FAM178B: variants seen among roughly 807,000 people sequenced by gnomAD.
The protein encoded by FAM178B is family with sequence similarity 178 member B.
FAM178B carries 82 observed loss-of-function variants against 91.7 expected under a neutral mutation model. The ratio of observed to expected loss-of-function variants is 0.89; its 90% CI spans 0.75 to 1.07. The LOEUF is 1.07. Among genes scored for constraint, FAM178B ranks in the 50% least tolerant of loss-of-function variants. FAM178B has a pLI of 0.00. For missense variants in FAM178B, 769 were observed against 846.7 expected (o/e 0.91, Z 1.14); for synonymous variants, 368 against 359.4 (o/e 1.02, Z -0.27).
chr2:96,986,451 C>A lies in FAM178B; in HGVS notation c.-138G>T. On this transcript the variant is annotated 5_prime_UTR_variant, in exon 1 of 17. Coordinates refer to ENST00000490605, the MANE Select transcript of FAM178B (RefSeq NM_001122646.3). ...CGCAGTGGGAGGACCCCAAGAGTTG[C>A]GTCCCTAGATCCAGGGCCGCCAACG... is the stretch of plus-strand genomic sequence containing the variant. The A allele has an allele frequency of 9.6e-7, 1 of 1,036,512 alleles. No homozygotes were observed. The highest frequency in any genetic ancestry group is 1.4e-6 in the Non-Finnish European group (1 of 738,408). The allele number at this position is 1,036,512 out of a possible 1,614,324, so 64.2% of individuals were successfully genotyped here.
intron 13 of FAM178B, chr2:96,895,036 G>A: frequency 7.8e-7 from 1 of 1,288,512 alleles, no homozygotes; most frequent in South Asian, 1.2e-5. Context: ...AGAGACCATG[G>A]ACTAAGTCCC....
chr2:96,970,431 T>A (rs2082201721), intron 4 of FAM178B, among the ~76,000 whole-genome samples: 1 of 152,108 alleles, frequency 6.6e-6, no homozygotes, highest in Non-Finnish European at 1.5e-5. Flanking sequence ...AACCCTTGAG[T>A]GGGAGGAGAC....
chr2:96,912,002 G>A (rs1483122104), intron 12 of FAM178B, among the ~76,000 whole-genome samples: 1 of 152,196 alleles, frequency 6.6e-6, no homozygotes, highest in Non-Finnish European at 1.5e-5. Flanking sequence ...GGCCTCGGGT[G>A]CAGATGAGAT....
At position 96,943,766 on chromosome 2, in the gene FAM178B, A is replaced by G. The variant is rs529758639; in HGVS notation, c.1078+4052T>C. ...TCTGCTCCCTTCAAGGAAAGCCCCT[A>G]CTCTTCCACCTCGTCTTTGTTCCCA... On this transcript the variant is annotated intron_variant, in intron 8 of 16. Transcript: ENST00000490605. Among the ~76,000 whole-genome samples the G allele has an allele frequency of 3.6e-3, 540 of 151,136 alleles. 6 individuals carry two copies. The highest frequency in any genetic ancestry group is 0.013 in the African/African-American group (530 of 41,040).
chr2:96,944,639 G>C (rs1441145035), intron 8 of FAM178B, among the ~76,000 whole-genome samples: 4 of 152,216 alleles, frequency 2.6e-5, no homozygotes, highest in Admixed American at 1.3e-4. Flanking sequence ...ACGTGTCACA[G>C]AATCACCTGC....
chr2:96,881,270 C>CAAAA (rs1168855038), intron 14 of FAM178B, among the ~76,000 whole-genome samples: 1 of 64,374 alleles, frequency 1.6e-5, no homozygotes, highest in African/African-American at 4.8e-5. Context: ...AAGCTGGTCT[C>CAAAA]AAAAAAAAAA....
chr2:96,896,758 GTGCCC>G (rs1471375611), intron 13 of FAM178B, among the ~76,000 whole-genome samples: 6 of 152,266 alleles, frequency 3.9e-5, no homozygotes, highest in Middle Eastern at 3.4e-3. Flanking sequence ...CCTGGAGCTG[GTGCCC>G]TGCCTGGGCC....
intron 12 of FAM178B, among the ~76,000 whole-genome samples, chr2:96,912,468 C>T (rs2081175071): frequency 6.6e-6 from 1 of 151,810 alleles, no homozygotes; most frequent in African/African-American, 2.4e-5. Context: ...AGGGGTATCC[C>T]TGAGGGCAGC....
At position 96,951,368 on chromosome 2, in the gene FAM178B, G is replaced by T. The variant is rs1281981741; in HGVS notation, c.993+11C>A. ...GCTCCCGCCACCTAGTGGCAGGCCT[G>T]CGGTCCTCACCTGGAACAGCCACTG... On this transcript the variant is annotated intron_variant, in intron 7 of 16. Transcript: ENST00000490605. The T allele has an allele frequency of 3.9e-6, 6 of 1,542,458 alleles. No individual in the cohort carries two copies. In the African/African-American group the frequency reaches 8.2e-5, roughly 21 times the overall value.
chr2:96,928,417 C>T (rs1160724874), intron 9 of FAM178B, among the ~76,000 whole-genome samples: 4 of 152,154 alleles, frequency 2.6e-5, no homozygotes, highest in Non-Finnish European at 5.9e-5. Flanking sequence ...GGCACTCCTC[C>T]CCACAGGCAG....
At chr2:96,967,361 A>G (rs942357706) in intron 5 of FAM178B, among the ~76,000 whole-genome samples, 159 bp downstream of exon 5, 4 of 152,256 alleles carry the variant, frequency 2.6e-5, no homozygotes, top group Non-Finnish European at 4.4e-5. Context: ...TCTTGAATCA[A>G]TGAGTGAATG....
intron 1 of FAM178B, among the ~76,000 whole-genome samples, chr2:96,981,715 T>G (rs1344135760): frequency 9.2e-5 from 11 of 119,864 alleles, no homozygotes; most frequent in African/African-American, 3.4e-5. Context: ...CACTATAGCC[T>G]GGGTGACAGA....
At chr2:96,898,316 G>C (rs2080861353) in intron 13 of FAM178B, among the ~76,000 whole-genome samples, 1 of 152,196 alleles carries the variant, frequency 6.6e-6, no homozygotes, top group Admixed American at 6.5e-5. Context: ...GAGAGAGCTG[G>C]ACAGGCTAAG....
chr2:96,889,732 A>T (rs952701343), intron 14 of FAM178B, among the ~76,000 whole-genome samples: 2 of 151,306 alleles, frequency 1.3e-5, no homozygotes, highest in African/African-American at 4.8e-5. Flanking sequence ...ACAAAAAAAA[A>T]TAGAGCATCA....
In FAM178B at chr2:96,934,227, C is replaced by T. The variant is rs113797710; in HGVS notation, c.1079-4907G>A. On this transcript the variant is annotated intron_variant, in intron 8 of 16. Coordinates refer to ENST00000490605, the MANE Select transcript of FAM178B (RefSeq NM_001122646.3). ...CAATGATGCTGGGTGGCATCCGTGGCTGGGAGGAAGGGTGGTCAGGGGACG... is the reference window on the plus strand; with the variant it reads ...CAATGATGCTGGGTGGCATCCGTGGTTGGGAGGAAGGGTGGTCAGGGGACG... Among the ~76,000 whole-genome samples, 5 of 152,252 alleles carry T rather than the reference C, an allele frequency of 3.3e-5. 1 individual carries two copies. Among genetic ancestry groups the T allele is most frequent in the African/African-American group, 1.2e-4 (5 of 41,546 alleles).
chr2:96,894,141 G>C (rs1230085695), intron 13 of FAM178B, 90 bp from the exon 14 acceptor site: 2 of 1,474,334 alleles, frequency 1.4e-6, no homozygotes, highest in Middle Eastern at 2.1e-4. Flanking sequence ...ACCTCAGCTG[G>C]TGGCAGTGTG....
intron 12 of FAM178B, among the ~76,000 whole-genome samples, chr2:96,917,636 A>G (rs953744784): frequency 6.6e-6 from 1 of 152,190 alleles, no homozygotes; most frequent in African/African-American, 2.4e-5. Context: ...TGGGAAGATC[A>G]CTTCAGCCCA....
intron 1 of FAM178B, among the ~76,000 whole-genome samples, chr2:96,980,907 T>C (rs1401958604): frequency 6.6e-6 from 1 of 152,230 alleles, no homozygotes; most frequent in African/African-American, 2.4e-5. Flanking sequence ...AGTCTTGAAA[T>C]GAGTCTTTGA....
At chr2:96,905,840 ATATATATATATATATATATATTTTTTT>A (rs2081031270) in intron 12 of FAM178B, among the ~76,000 whole-genome samples, 13 of 27,680 alleles carry the variant, frequency 4.7e-4, no homozygotes, top group African/African-American at 1.3e-3. Flanking sequence ...ATATATATAT[ATATATATATATATATATATATTTTTTT>A]TTTTTTTTTT....
Sources: allele counts gnomAD v4.1 joint callset (sites outside exome capture counted in the v4.1 genomes callset), GRCh38; gene constraint gnomAD v4.1.1; transcripts MANE v1.5; gene names NCBI Gene and HGNC (gene_info 2026-07-23, HGNC 2026-07-21).